Variants in PCDHA7 observed in about 807,000 individuals in gnomAD.
PCDHA7 encodes the protein protocadherin alpha-7.
Under a neutral mutation model 57.2 loss-of-function variants are expected in PCDHA7, and 37 were observed. That is an observed-to-expected ratio of 0.65 (90% confidence interval 0.50 to 0.85). PCDHA7 has a LOEUF of 0.85. Among genes scored for constraint, PCDHA7 ranks in the 40% least tolerant of loss-of-function variants. PCDHA7 has a pLI of 0.00. For synonymous variants in PCDHA7, 553 were observed against 558.8 expected (o/e 0.99, Z 0.15); for missense variants, 1,188 against 1,241.8 (o/e 0.96, Z 0.65).
Position 140,871,058 on chromosome 5 carries a change from A to C in PCDHA7, c.2355+34320A>C, listed in dbSNP as rs1179361194. Reference sequence around the variant, plus strand: ...CACCGACTTCTAGTACTGGTGAAGGATCACGGTGAGCCGGCGCTGACGGCC... The same window carrying C: ...CACCGACTTCTAGTACTGGTGAAGGCTCACGGTGAGCCGGCGCTGACGGCC... On this transcript the variant is annotated intron_variant, in intron 1 of 3. Transcript: ENST00000525929. 8 of 1,613,140 alleles carry C rather than the reference A, an allele frequency of 5.0e-6. No homozygotes were observed. The African/African-American group carries it at 6.7e-5, about 13-fold the overall frequency.
At chr5:140,917,552 C>T (rs200211133) in intron 1 of PCDHA7, among the ~76,000 whole-genome samples, 1 of 152,192 alleles carries the variant, frequency 6.6e-6, no homozygotes, top group Non-Finnish European at 1.5e-5. Flanking sequence ...TTACATTTAA[C>T]TCTTTAATCC....
At chr5:140,897,438 G>A (rs2066109195) in intron 1 of PCDHA7, among the ~76,000 whole-genome samples, 1 of 149,226 alleles carries the variant, frequency 6.7e-6, no homozygotes, top group African/African-American at 2.5e-5. Context: ...AACATGCAGT[G>A]TTTGGTTTTT....
At chr5:140,955,438 A>C (rs975663366) in intron 1 of PCDHA7, among the ~76,000 whole-genome samples, 2 of 151,994 alleles carry the variant, frequency 1.3e-5, no homozygotes, top group African/African-American at 4.8e-5. Context: ...ATTAGGTCTG[A>C]TGGTTTTATA....
At chr5:140,914,930 T>C (rs1474677743) in intron 1 of PCDHA7, among the ~76,000 whole-genome samples, 1 of 150,038 alleles carries the variant, frequency 6.7e-6, no homozygotes, top group Non-Finnish European at 1.5e-5. Flanking sequence ...TTGTACTATG[T>C]TGTGAAAAGT....
chr5:141,006,207 T>C (rs1434083054), intron 3 of PCDHA7, among the ~76,000 whole-genome samples: 4 of 150,998 alleles, frequency 2.6e-5, no homozygotes, highest in Non-Finnish European at 5.9e-5. Context: ...TTATGCCTCA[T>C]TTTTTTTTAA....
At chr5:140,896,140 C>A (rs1415728420) in intron 1 of PCDHA7, among the ~76,000 whole-genome samples, 6 of 152,140 alleles carry the variant, frequency 3.9e-5, no homozygotes, top group Non-Finnish European at 7.4e-5. Flanking sequence ...ATCCAGTGCA[C>A]CATTGATGGG....
chr5:140,923,498 C>T (rs1233893951), intron 1 of PCDHA7, among the ~76,000 whole-genome samples: 2 of 152,018 alleles, frequency 1.3e-5, no homozygotes, highest in African/African-American at 4.8e-5. Context: ...CACTGCACTC[C>T]AGCCTGGATG....
At chr5:140,854,866 A>G (rs1479587477) in intron 1 of PCDHA7, among the ~76,000 whole-genome samples, 3 of 149,974 alleles carry the variant, frequency 2.0e-5, no homozygotes, top group Non-Finnish European at 4.5e-5. Context: ...GATATATTTC[A>G]GAACTGTGTC....
At chr5:140,975,491 C>T (rs2153807371) in intron 1 of PCDHA7, among the ~76,000 whole-genome samples, 1 of 152,274 alleles carries the variant, frequency 6.6e-6, no homozygotes, top group Middle Eastern at 3.4e-3. Flanking sequence ...TATCAATGTT[C>T]ATAAAATAGC....
At chr5:140,990,662 T>C (rs1554251660) in intron 3 of PCDHA7, among the ~76,000 whole-genome samples, 1 of 152,182 alleles carries the variant, frequency 6.6e-6, no homozygotes, top group African/African-American at 2.4e-5. Context: ...ATGATTTACA[T>C]TAGATGCACA....
intron 3 of PCDHA7, among the ~76,000 whole-genome samples, chr5:141,001,177 T>G (rs2097996689): frequency 6.6e-6 from 1 of 152,154 alleles, no homozygotes; most frequent in Non-Finnish European, 1.5e-5. Context: ...TAACGAGTTT[T>G]TACTTTGCAC....
chr5:140,897,255 C>A (rs890766563), intron 1 of PCDHA7, among the ~76,000 whole-genome samples: 2 of 151,828 alleles, frequency 1.3e-5, no homozygotes, highest in Admixed American at 1.3e-4. Flanking sequence ...CATATGTATA[C>A]ATGTGCCATG....
At chr5:140,928,123 T>C in intron 1 of PCDHA7, 1 of 1,614,200 alleles carries the variant, frequency 6.2e-7, no homozygotes, top group Non-Finnish European at 8.5e-7. Context: ...GATCAGTGAA[T>C]ACCAAGTCCT....
chr5:140,878,033 A>G, intron 1 of PCDHA7: 2 of 574,166 alleles, frequency 3.5e-6, no homozygotes, highest in Non-Finnish European at 5.4e-6. Context: ...TGTAGGTACA[A>G]TGGAGGCCAT....
At chr5:140,972,983 AGATTCTGTGCATTTGT>A (rs1169514447) in intron 1 of PCDHA7, among the ~76,000 whole-genome samples, 1 of 152,102 alleles carries the variant, frequency 6.6e-6, no homozygotes, top group Admixed American at 6.6e-5. Flanking sequence ...ATCTTAAGGT[AGATTCTGTGCATTTGT>A]GGTCGTGGTG....
intron 1 of PCDHA7, among the ~76,000 whole-genome samples, chr5:140,921,231 T>C (rs1171159325): frequency 3.3e-5 from 5 of 152,122 alleles, no homozygotes; most frequent in African/African-American, 4.8e-5. Context: ...TGCTAGATGA[T>C]ATTAAGCCAC....
At chr5:140,876,945 C>T (rs1405794987) in intron 1 of PCDHA7, 2 of 1,613,474 alleles carry the variant, frequency 1.2e-6, no homozygotes, top group East Asian at 2.2e-5. Flanking sequence ...CGCTGGTGTC[C>T]TACTCGCTGG....
At chr5:140,839,261 T>A (rs1477628159) in intron 1 of PCDHA7, among the ~76,000 whole-genome samples, 1 of 152,104 alleles carries the variant, frequency 6.6e-6, no homozygotes, top group African/African-American at 2.4e-5. Context: ...CTTACATGCA[T>A]GTATATTTAA....
rs782384217 is a variant in PCDHA7, at chr5:140,836,620, G to A, written c.2237G>A (p.Gly746Glu). The A allele has an allele frequency of 5.6e-6, 9 of 1,613,468 alleles. No individual in the cohort carries two copies. The highest frequency in any genetic ancestry group is 7.6e-6 in the Non-Finnish European group (9 of 1,179,730). Residue 746 changes from glycine to glutamate, a missense_variant, in exon 1 of 4, where the codon GGG becomes GAG. Gly to Glu is a moderately conservative substitution (Grantham distance 98). This residue lies in a region of PCDHA7 where 892 missense variants were observed against 788.5 expected (regional missense o/e 1.13). Coordinates refer to ENST00000525929, the MANE Select transcript of PCDHA7 (RefSeq NM_018910.3). ...KPTLVCSSAVGSWSFSQQRRQ... is the reference protein window; with the variant it reads ...KPTLVCSSAVESWSFSQQRRQ... ...ACTCTGGTGTGCTCCAGCGCGGTGGGGAGCTGGTCATTCTCCCAGCAGAGG... is the reference window on the plus strand; with the variant it reads ...ACTCTGGTGTGCTCCAGCGCGGTGGAGAGCTGGTCATTCTCCCAGCAGAGG...
Sources: gnomAD v4.1 joint callset for allele counts (sites outside exome capture counted in the v4.1 genomes callset) on GRCh38, gnomAD v4.1.1 for gene constraint, gnomAD v4.1.1 regional missense constraint, MANE v1.5 for transcripts, NCBI Gene and HGNC (gene_info 2026-07-23, HGNC 2026-07-21) for gene names.